The following CRB1 variants were observed in gnomAD, a reference collection of about 807,000 sequenced individuals.
CRB1 encodes the protein crumbs cell polarity complex component 1, also known as protein crumbs homolog 1.
CRB1 carries 83 observed loss-of-function variants against 120.0 expected under a neutral mutation model. The ratio of observed to expected loss-of-function variants is 0.69; its 90% CI spans 0.58 to 0.83. The LOEUF is 0.83. CRB1 is among the 40% of genes least tolerant of loss of function. The pLI is 0.00. For synonymous variants in CRB1, 625 were observed against 612.5 expected (o/e 1.02, Z -0.30); for missense variants, 1,699 against 1,687.6 (o/e 1.01, Z -0.12).
At chr1:197,413,641 C>T (rs1341762603) in intron 5 of CRB1, among the ~76,000 whole-genome samples, 1 of 152,152 alleles carries the variant, frequency 6.6e-6, no homozygotes, top group African/African-American at 2.4e-5. Context: ...ATACTGTCAG[C>T]GTTCAGTGTT....
At chr1:197,297,412 C>T (rs1049755270) in intron 1 of CRB1, among the ~76,000 whole-genome samples, 2 of 151,960 alleles carry the variant, frequency 1.3e-5, no homozygotes, top group African/African-American at 4.8e-5. Flanking sequence ...CACGATGAAC[C>T]TGAGGATTCT....
At chr1:197,303,507 C>T (rs1656997432) in intron 1 of CRB1, among the ~76,000 whole-genome samples, 1 of 151,948 alleles carries the variant, frequency 6.6e-6, no homozygotes, top group South Asian at 2.1e-4. Context: ...CATCAGATGA[C>T]TGTATCTAGC....
chr1:197,306,232 A>G (rs949969013), intron 1 of CRB1, among the ~76,000 whole-genome samples: 1 of 152,192 alleles, frequency 6.6e-6, no homozygotes. Flanking sequence ...AGCAAGCTGT[A>G]AAGTCCAAAA....
intron 1 of CRB1, among the ~76,000 whole-genome samples, chr1:197,270,140 C>G (rs1435813974): frequency 6.6e-6 from 1 of 152,120 alleles, no homozygotes; most frequent in African/African-American, 2.4e-5. Context: ...ACCCTTATTA[C>G]CTAGTATTCT....
chr1:197,261,411 G>A, the CRB1 span, among the ~76,000 whole-genome samples: 63 of 152,268 alleles, frequency 4.1e-4, 1 homozygote, highest in Middle Eastern at 6.8e-3. Context: ...ATGAAATGCC[G>A]CGTGGCATTA....
At chr1:197,216,846 CTTCAGAG>C in the CRB1 span, among the ~76,000 whole-genome samples, 3 of 152,224 alleles carry the variant, frequency 2.0e-5, no homozygotes, top group South Asian at 6.2e-4. Context: ...ACTCTATGAT[CTTCAGAG>C]AAAGACCAAC....
intron 11 of CRB1, among the ~76,000 whole-genome samples, chr1:197,460,194 G>T (rs1209093670): frequency 3.3e-5 from 5 of 151,428 alleles, no homozygotes; most frequent in Non-Finnish European, 7.4e-5. Context: ...AAATTCCCTG[G>T]ATCAGCATCA....
At position 197,429,461 on chromosome 1, in the gene CRB1, C is replaced by T. The variant is rs1470618182; in HGVS notation, c.2689C>T (p.His897Tyr). 2 of 1,613,866 alleles carry T rather than the reference C, an allele frequency of 1.2e-6. No homozygotes were observed. The highest frequency in any genetic ancestry group is 1.7e-6 in the Non-Finnish European group (2 of 1,179,934). Residue 897 changes from histidine (H) to tyrosine (Y), a missense_variant, in exon 8 of 12, where the codon CAC becomes TAC. His to Tyr is a moderately conservative substitution (Grantham distance 83). Coordinates refer to ENST00000367400, the MANE Select transcript of CRB1 (RefSeq NM_201253.3). Reference protein sequence around the residue: ...GDNSCKSNPCHNGGVCHSRWD... With the variant: ...GDNSCKSNPCYNGGVCHSRWD... Reference sequence around the variant, plus strand: ...CTTTTCTGCTCAGTCCAACCCCTGTCACAATGGAGGTGTTTGCCATTCCCG... The same window carrying T: ...CTTTTCTGCTCAGTCCAACCCCTGTTACAATGGAGGTGTTTGCCATTCCCG...
chr1:197,381,818 A>G (rs1305593626), intron 5 of CRB1, among the ~76,000 whole-genome samples: 1 of 152,232 alleles, frequency 6.6e-6, no homozygotes, highest in African/African-American at 2.4e-5. Flanking sequence ...GAAGTCAACT[A>G]CATACCAACC....
chr1:197,477,589 G>A (rs559436404), intron 11 of CRB1, 75 bp from the exon 12 acceptor site: 2 of 1,391,028 alleles, frequency 1.4e-6, no homozygotes, highest in South Asian at 1.2e-5. Context: ...CTTCATTCCT[G>A]AGTAGTTCCA....
chr1:197,405,620 C>T (rs1156921648), intron 5 of CRB1, among the ~76,000 whole-genome samples: 1 of 151,102 alleles, frequency 6.6e-6, no homozygotes, highest in African/African-American at 2.4e-5. Context: ...GCCATCCCAT[C>T]TAGGAAGTGA....
chr1:197,387,148 G>A (rs1662257711), intron 5 of CRB1, among the ~76,000 whole-genome samples: 1 of 151,936 alleles, frequency 6.6e-6, no homozygotes, highest in Non-Finnish European at 1.5e-5. Context: ...TGTTGCCCAG[G>A]CTGGAGGGCA....
rs2125485650 is a variant in CRB1 at position 197,428,020 on chromosome 1, A to G, written c.2676+19A>G. ...CTGCAAGGTAATGATTACTCATACAAACTAGGTATATACTGTATGCTAAAC... is the reference window on the plus strand; with the variant it reads ...CTGCAAGGTAATGATTACTCATACAGACTAGGTATATACTGTATGCTAAAC... On this transcript the variant is annotated intron_variant, in intron 7 of 11. Coordinates refer to ENST00000367400, the MANE Select transcript of CRB1 (RefSeq NM_201253.3). 1 of 1,602,718 alleles carries G rather than the reference A, an allele frequency of 6.2e-7. No homozygotes were observed. The highest frequency in any genetic ancestry group is 2.2e-5 in the East Asian group (1 of 44,820).
At position 197,442,250 on chromosome 1, in the gene CRB1, C is replaced by T; in HGVS notation, c.3963C>T (p.Cys1321=). 1 of 1,614,182 alleles carries T rather than the reference C, an allele frequency of 6.2e-7. No individual in the cohort carries two copies. The highest frequency in any genetic ancestry group is 1.3e-5 in the African/African-American group (1 of 75,040). Residue 1321 remains cysteine (C), a synonymous_variant, in exon 11 of 12, where the codon TGC becomes TGT. Coordinates refer to ENST00000367400, the MANE Select transcript of CRB1 (RefSeq NM_201253.3). ...AGGACTTACTCAACAAATTCCAGTG[C>T]CTCTGTGATGTTGCCTTTGCTGGCG... The part of the protein sequence containing the change: ...LCQDLLNKFQ[C]LCDVAFAGER...
intron 2 of CRB1, among the ~76,000 whole-genome samples, chr1:197,337,209 G>T (rs531935549): frequency 6.6e-6 from 1 of 152,172 alleles, no homozygotes. Flanking sequence ...GACATAGAAA[G>T]AAATTATAAT....
At chr1:197,244,828 C>G in the CRB1 span, among the ~76,000 whole-genome samples, 2 of 151,676 alleles carry the variant, frequency 1.3e-5, no homozygotes, top group Non-Finnish European at 2.9e-5. Context: ...TTGTTATAGT[C>G]CCACAGATTC....
At chr1:197,329,064 C>T (rs1658704011) in intron 2 of CRB1, 61 bp downstream of exon 2, 2 of 1,388,356 alleles carry the variant, frequency 1.4e-6, no homozygotes, top group Non-Finnish European at 2.0e-6. Flanking sequence ...GTGGCAGAAG[C>T]AGAGGTGACA....
At chr1:197,341,344 A>G (rs1224003203) in intron 2 of CRB1, among the ~76,000 whole-genome samples, 1 of 152,108 alleles carries the variant, frequency 6.6e-6, no homozygotes, top group Non-Finnish European at 1.5e-5. Context: ...GGAGTTTGAG[A>G]CCAGCCTGAC....
At chr1:197,288,344 T>C (rs948874118) in intron 1 of CRB1, among the ~76,000 whole-genome samples, 3 of 151,850 alleles carry the variant, frequency 2.0e-5, no homozygotes, top group Non-Finnish European at 4.4e-5. Flanking sequence ...AGGATATTGC[T>C]TCGGTAGTTA....
Sources: gnomAD v4.1 joint callset for allele counts (sites outside exome capture counted in the v4.1 genomes callset) on GRCh38, gnomAD v4.1.1 for gene constraint, MANE v1.5 for transcripts, NCBI Gene and HGNC (gene_info 2026-07-23, HGNC 2026-07-21) for gene names.